RALYL: variants seen among roughly 807,000 people sequenced by gnomAD.
RALYL encodes the protein RALY RNA binding protein like, also known as RNA-binding Raly-like protein.
In RALYL, 29 loss-of-function variants were observed where a neutral mutation model predicts 35.1. The observed-to-expected ratio is 0.83, with a 90% confidence interval of 0.61 to 1.13. The LOEUF (loss-of-function observed/expected upper bound fraction) is 1.13. Ranked by LOEUF, RALYL falls within the 50% of genes most tolerant of loss-of-function variation. The pLI is 0.00. For missense variants in RALYL, 359 were observed against 360.4 expected, an observed-to-expected ratio of 1.00 and a Z score of 0.03; for synonymous variants, 120 against 127.6, an observed-to-expected ratio of 0.94 and a Z score of 0.40.
At chr8:84,592,855 C>G (rs1332979701) in intron 2 of RALYL, among the ~76,000 whole-genome samples, 14 of 152,022 alleles carry the variant, frequency 9.2e-5, no homozygotes, top group Admixed American at 9.2e-4. Context: ...CTCAAATTTG[C>G]ACACAAGGAT....
rs572439516 is a variant in RALYL at position 84,747,854 on chromosome 8, C to A, written c.257-26725C>A. Among the ~76,000 whole-genome samples, 30 of 151,924 alleles carry A rather than the reference C, an allele frequency of 2.0e-4. No individual in the cohort carries two copies. In the East Asian group the frequency reaches 5.4e-3, roughly 27 times the overall value. ...CACTTAATCACATATTTGAGCCACA[C>A]CCCCCAAAAAAATAACCTGGGACCT... is the stretch of plus-strand genomic sequence containing the variant. On this transcript the variant is annotated intron_variant, in intron 2 of 8. Transcript: ENST00000521268.
In RALYL at chr8:84,270,985, G is replaced by A. The variant is rs969716893; in HGVS notation, c.-24+86561G>A. 9.2e-5 allele frequency among the ~76,000 whole-genome samples: 14 copies of A among 151,680 alleles called. No homozygotes were observed. The East Asian group carries it at 2.1e-3, about 23-fold the overall frequency. On this transcript the variant is annotated intron_variant, in intron 1 of 8. Coordinates refer to ENST00000521268, the MANE Select transcript of RALYL (RefSeq NM_173848.7). The stretch of plus-strand genomic sequence containing the variant: ...ACTAAAATTATGAAATTCTTAAAAC[G>A]TAGAGAATATTTGTAATCTGCAAAT...
intron 1 of RALYL, among the ~76,000 whole-genome samples, chr8:84,408,979 A>G (rs775949857): frequency 6.6e-6 from 1 of 152,134 alleles, no homozygotes; most frequent in African/African-American, 2.4e-5. Context: ...AATGCTTAGC[A>G]CAATGCTATA....
chr8:84,740,401 T>C (rs933040170), intron 2 of RALYL, among the ~76,000 whole-genome samples: 4 of 152,020 alleles, frequency 2.6e-5, no homozygotes, highest in Non-Finnish European at 5.9e-5. Context: ...CAACCAGTGA[T>C]AGAGAAGAGA....
chr8:84,195,665 C>G (rs1199150681), intron 1 of RALYL, among the ~76,000 whole-genome samples: 1 of 152,022 alleles, frequency 6.6e-6, no homozygotes, highest in Non-Finnish European at 1.5e-5. Flanking sequence ...TTGGTGAGTC[C>G]TCAGGTTGGG....
At chr8:84,192,315 G>A (rs1814091418) in intron 1 of RALYL, among the ~76,000 whole-genome samples, 1 of 152,206 alleles carries the variant, frequency 6.6e-6, no homozygotes, top group South Asian at 2.1e-4. Flanking sequence ...CTGTGGCCTA[G>A]ACTTGTAAAA....
intron 2 of RALYL, among the ~76,000 whole-genome samples, chr8:84,530,244 A>T (rs1354536365): frequency 6.6e-6 from 1 of 152,118 alleles, no homozygotes; most frequent in Non-Finnish European, 1.5e-5. Flanking sequence ...TTAGATAATT[A>T]TTTAGATGTT....
At chr8:84,618,325 G>C (rs377726928) in intron 2 of RALYL, among the ~76,000 whole-genome samples, 2 of 151,534 alleles carry the variant, frequency 1.3e-5, no homozygotes, top group African/African-American at 4.9e-5. Context: ...GTCTTGGGAG[G>C]GTGTATGTGT....
chr8:84,611,607 G>T (rs1202137909), intron 2 of RALYL, among the ~76,000 whole-genome samples: 2 of 152,040 alleles, frequency 1.3e-5, no homozygotes, highest in African/African-American at 4.8e-5. Context: ...CTAACTTATT[G>T]ACTGGTTCAC....
chr8:84,753,256 A>G (rs1810514443), intron 2 of RALYL, among the ~76,000 whole-genome samples: 1 of 152,146 alleles, frequency 6.6e-6, no homozygotes, highest in Non-Finnish European at 1.5e-5. Context: ...TGGAATGGCA[A>G]TGTTTACCCA....
intron 1 of RALYL, among the ~76,000 whole-genome samples, chr8:84,227,164 G>A (rs887628697): frequency 3.6e-5 from 5 of 137,570 alleles, no homozygotes; most frequent in Non-Finnish European, 7.6e-5. Context: ...GGGTTCAAAC[G>A]ATTTTCCTGC....
intron 4 of RALYL, among the ~76,000 whole-genome samples, chr8:84,834,701 TGATAGATGGAA>T (rs1340443760): frequency 6.6e-6 from 1 of 152,178 alleles, no homozygotes; most frequent in Non-Finnish European, 1.5e-5. Flanking sequence ...AGCAATAAAT[TGATAGATGGAA>T]GAAAGATCTA....
intron 2 of RALYL, among the ~76,000 whole-genome samples, chr8:84,534,368 G>A (rs918721735): frequency 6.6e-6 from 1 of 152,172 alleles, no homozygotes; most frequent in African/African-American, 2.4e-5. Context: ...ACCTACTTGT[G>A]TCCCTCAAAG....
At chr8:84,430,871 AT>A (rs2047067681) in intron 1 of RALYL, among the ~76,000 whole-genome samples, 3 of 152,088 alleles carry the variant, frequency 2.0e-5, no homozygotes, top group Non-Finnish European at 4.4e-5. Flanking sequence ...CTCACTGCTT[AT>A]TTAGATGGAA....
chr8:84,203,127 TCTTA>T lies in RALYL; in HGVS notation c.-24+18709_-24+18712del, dbSNP rs1817292805. Among the ~76,000 whole-genome samples the T allele has an allele frequency of 3.9e-5, 6 of 152,316 alleles. No homozygotes were observed. The South Asian group carries it at 1.0e-3, about 26-fold the overall frequency. ...CATTATCACTCAAGTGGTTTGGGTT[TCTTA>T]CTTACCATAAGGAGAGTGTTTGATA... On this transcript the variant is annotated intron_variant, in intron 1 of 8. Coordinates refer to ENST00000521268, the MANE Select transcript of RALYL (RefSeq NM_173848.7).
intron 1 of RALYL, among the ~76,000 whole-genome samples, chr8:84,199,677 G>A (rs1816350691): frequency 6.6e-6 from 1 of 152,222 alleles, no homozygotes; most frequent in African/African-American, 2.4e-5. Flanking sequence ...TTTGTATATG[G>A]CATGAGATGG....
chr8:84,771,275 A>G (rs1244546978), intron 2 of RALYL, among the ~76,000 whole-genome samples: 2 of 151,708 alleles, frequency 1.3e-5, no homozygotes, highest in African/African-American at 4.8e-5. Context: ...CCTTTTGGTA[A>G]ATATGCTACC....
chr8:84,367,318 A>ATTTGTTTTTGTTTTT (rs756622990), intron 1 of RALYL, among the ~76,000 whole-genome samples: 1 of 27,400 alleles, frequency 3.6e-5, no homozygotes, highest in Admixed American at 5.1e-4. Context: ...TAATTTTTGT[A>ATTTGTTTTTGTTTTT]TTTTTTTTTT....
At chr8:84,518,216 A>T (rs1031404954) in intron 1 of RALYL, among the ~76,000 whole-genome samples, 1 of 149,774 alleles carries the variant, frequency 6.7e-6, no homozygotes, top group Non-Finnish European at 1.5e-5. Context: ...GATCTTAGCA[A>T]ACTTTAACCT....
Sources: gnomAD v4.1 joint callset for allele counts (sites outside exome capture counted in the v4.1 genomes callset) on GRCh38, gnomAD v4.1.1 for gene constraint, MANE v1.5 for transcripts, NCBI Gene and HGNC (gene_info 2026-07-23, HGNC 2026-07-21) for gene names.